TUSC3: variants seen among roughly 807,000 people sequenced by gnomAD.
TUSC3 encodes the protein dolichyl-diphosphooligosaccharide--protein glycosyltransferase subunit TUSC3.
Under a neutral mutation model 44.8 loss-of-function variants are expected in TUSC3, and 45 were observed. The observed-to-expected ratio is 1.00, with a 90% CI of 0.79 to 1.29. TUSC3 has a LOEUF of 1.29. Among genes scored for constraint, TUSC3 ranks in the 50% most tolerant of loss-of-function variants. The pLI is 0.00. For missense variants in TUSC3, 519 were observed against 437.9 expected (o/e 1.19, Z -1.65); for synonymous variants, 212 against 152.9 (o/e 1.39, Z -2.85).
the TUSC3 span, among the ~76,000 whole-genome samples, chr8:15,779,117 T>C: frequency 1.5e-5 from 1 of 65,598 alleles, no homozygotes; most frequent in Non-Finnish European, 3.2e-5. Context: ...TTTTTTTTTT[T>C]TCCACGTTAC....
chr8:15,827,295 G>A, the TUSC3 span, among the ~76,000 whole-genome samples: 4 of 152,188 alleles, frequency 2.6e-5, no homozygotes, highest in Non-Finnish European at 5.9e-5. Context: ...CAGTTACGGA[G>A]CAGTAACGGC....
chr8:15,723,594 C>G (rs1189988082), intron 6 of TUSC3, among the ~76,000 whole-genome samples: 1 of 152,060 alleles, frequency 6.6e-6, no homozygotes, highest in South Asian at 2.1e-4. Flanking sequence ...TCACATCTGC[C>G]ATTTGGTGTA....
chr8:15,470,134 G>C (rs1800468170), intron 1 of TUSC3, among the ~76,000 whole-genome samples: 1 of 151,718 alleles, frequency 6.6e-6, no homozygotes, highest in Admixed American at 6.6e-5. Context: ...ATTAGCCTAG[G>C]CATGGTAGTG....
chr8:15,801,487 T>G, the TUSC3 span, among the ~76,000 whole-genome samples: 1 of 151,896 alleles, frequency 6.6e-6, no homozygotes, highest in African/African-American at 2.4e-5. Flanking sequence ...TTGTTAAAAC[T>G]TTTTAATTAG....
chr8:15,525,617 T>C lies in TUSC3; in HGVS notation n.189+42134T>C, dbSNP rs150242024. Among the ~76,000 whole-genome samples, 17 of 152,300 alleles carry C rather than the reference T, an allele frequency of 1.1e-4. No homozygotes were observed. The East Asian group carries it at 2.7e-3, about 24-fold the overall frequency. On this transcript the variant is annotated intron_variant and non_coding_transcript_variant, in intron 2 of 5. Coordinates refer to the TUSC3 transcript ENST00000503191. ...CAAAAAAGTTTGAGAACTGCTGTAG[T>C]AGATCACTCATTTTCCCGTGACAGG...
rs547220844 is a variant in TUSC3 at position 15,466,072 on chromosome 8, A to T, written n.92-17314A>T. On this transcript the variant is annotated intron_variant and non_coding_transcript_variant, in intron 1 of 5. Coordinates refer to the TUSC3 transcript ENST00000503191. ...TATATCCCGCTTTTTCTTCCTGGGA[A>T]CAATGCTTTATGTTATAAGTAGTCA... Among the ~76,000 whole-genome samples the T allele has an allele frequency of 1.4e-4, 22 of 152,322 alleles. 1 individual carries two copies. Among genetic ancestry groups the T allele is most frequent in the African/African-American group, 5.1e-4 (21 of 41,580 alleles).
chr8:15,490,503 G>A (rs1800794014), intron 2 of TUSC3, among the ~76,000 whole-genome samples: 2 of 152,140 alleles, frequency 1.3e-5, no homozygotes, highest in South Asian at 2.1e-4. Context: ...TGCTGACGTT[G>A]AGGTTTGGGA....
chr8:15,437,889 TTGAGA>T (rs1268344232), intron 1 of TUSC3, among the ~76,000 whole-genome samples: 1 of 152,190 alleles, frequency 6.6e-6, no homozygotes, highest in Non-Finnish European at 1.5e-5. Flanking sequence ...ATGCACCCTG[TTGAGA>T]TAACAGGATA....
At chr8:15,504,611 ATATATATATATTTT>A (rs1214173381) in intron 2 of TUSC3, among the ~76,000 whole-genome samples, 22 of 22,308 alleles carry the variant, frequency 9.9e-4, no homozygotes, top group African/African-American at 4.6e-3. Context: ...ATATATATAT[ATATATATATATTTT>A]TTTTTTTTTT....
the TUSC3 span, among the ~76,000 whole-genome samples, chr8:15,793,511 G>C: frequency 0.051 from 7,795 of 152,098 alleles, 669 homozygotes; most frequent in African/African-American, 0.18. Flanking sequence ...TGTTGCTTGT[G>C]TGATGTTCCC....
chr8:15,561,183 G>C (rs890253142), intron 1 of TUSC3, among the ~76,000 whole-genome samples: 5 of 120,652 alleles, frequency 4.1e-5, no homozygotes, highest in African/African-American at 1.5e-4. Flanking sequence ...TGGGTTTTTG[G>C]TGTGGATGTC....
the TUSC3 span, among the ~76,000 whole-genome samples, chr8:15,826,079 G>A: frequency 6.6e-6 from 1 of 152,118 alleles, no homozygotes; most frequent in Non-Finnish European, 1.5e-5. Context: ...GGTGAGGTAT[G>A]TTGTGTCTGA....
chr8:15,740,739 G>GA (rs2129213052), intron 7 of TUSC3, among the ~76,000 whole-genome samples: 1 of 152,202 alleles, frequency 6.6e-6, no homozygotes, highest in South Asian at 2.1e-4. Flanking sequence ...TAGCGAATTT[G>GA]AAAATACACT....
At chr8:15,813,393 A>C in the TUSC3 span, among the ~76,000 whole-genome samples, 4 of 110,060 alleles carry the variant, frequency 3.6e-5, no homozygotes, top group South Asian at 3.0e-4. Context: ...AACAAACAAA[A>C]AAAAAAACAG....
chr8:15,659,407 A>T, intron 3 of TUSC3, 100 bp from the exon 4 acceptor site: 2 of 1,447,380 alleles, frequency 1.4e-6, no homozygotes, highest in Non-Finnish European at 9.4e-7. Context: ...GATTTTCATA[A>T]TAAATGCTGT....
chr8:15,531,093 G>C (rs915603101), intron 2 of TUSC3, among the ~76,000 whole-genome samples: 2 of 152,098 alleles, frequency 1.3e-5, no homozygotes, highest in Non-Finnish European at 2.9e-5. Flanking sequence ...CTGTGCATGC[G>C]GGCAGCTTAC....
At chr8:15,788,750 G>C in the TUSC3 span, among the ~76,000 whole-genome samples, 1 of 152,044 alleles carries the variant, frequency 6.6e-6, no homozygotes, top group African/African-American at 2.4e-5. Context: ...GAATGCTGTA[G>C]GTTCTCAGGA....
At chr8:15,635,032 C>G (rs1334998634) in intron 2 of TUSC3, among the ~76,000 whole-genome samples, 1 of 152,026 alleles carries the variant, frequency 6.6e-6, no homozygotes, top group African/African-American at 2.4e-5. Context: ...TGACTGAACC[C>G]AGATTAAATC....
intron 7 of TUSC3, among the ~76,000 whole-genome samples, chr8:15,734,242 A>T (rs1208207490): frequency 6.6e-6 from 1 of 152,194 alleles, no homozygotes; most frequent in Non-Finnish European, 1.5e-5. Flanking sequence ...GTCCCAATTT[A>T]GTAAGTCAGA....
Sources: allele counts gnomAD v4.1 joint callset (sites outside exome capture counted in the v4.1 genomes callset), GRCh38; gene constraint gnomAD v4.1.1; transcripts MANE v1.5; gene names NCBI Gene and HGNC (gene_info 2026-07-23, HGNC 2026-07-21).